Variants in POT1 observed in about 807,000 individuals in gnomAD.
POT1 encodes the protein protection of telomeres protein 1.
A neutral mutation model predicts 78.5 loss-of-function variants in POT1; 47 were observed. That is an observed-to-expected ratio of 0.60 (90% confidence interval 0.47 to 0.76). The LOEUF (loss-of-function observed/expected upper bound fraction) is 0.76. Ranked by LOEUF, POT1 falls within the 30% of genes least tolerant of loss-of-function variation. The pLI, the probability that POT1 is intolerant of heterozygous loss-of-function variation, is 0.00. For synonymous variants in POT1, 259 were observed against 260.7 expected (o/e 0.99, Z 0.06); for missense variants, 646 against 749.9 (o/e 0.86, Z 1.62).
chr7:124,927,572 T>C (rs959507751), intron 2 of POT1, among the ~76,000 whole-genome samples: 4 of 152,158 alleles, frequency 2.6e-5, no homozygotes, highest in African/African-American at 9.7e-5. Context: ...TCTTCCTCCT[T>C]CTCTAGACCA....
intron 6 of POT1, among the ~76,000 whole-genome samples, chr7:124,882,631 A>G (rs1454325659): frequency 6.6e-6 from 1 of 151,986 alleles, no homozygotes; most frequent in Admixed American, 6.6e-5. Flanking sequence ...GTTTTACACT[A>G]TACATAAGAC....
At chr7:124,892,823 G>GA (rs1796403937) in intron 5 of POT1, 1 of 151,452 alleles carries the variant, frequency 6.6e-6, no homozygotes, top group Non-Finnish European at 1.5e-5. Flanking sequence ...CATCTGTAGT[G>GA]AAAAACAGCA....
At chr7:124,856,275 TAAG>T (rs1262287197) in intron 9 of POT1, among the ~76,000 whole-genome samples, 2 of 152,158 alleles carry the variant, frequency 1.3e-5, no homozygotes, top group South Asian at 2.1e-4. Flanking sequence ...GTTCCTAAAT[TAAG>T]AAGAAATGTT....
intron 9 of POT1, among the ~76,000 whole-genome samples, chr7:124,856,262 A>G (rs1795444147): frequency 6.6e-6 from 1 of 152,220 alleles, no homozygotes; most frequent in African/African-American, 2.4e-5. Flanking sequence ...ACGTGAGTGA[A>G]GAGTTCCTAA....
At chr7:124,919,346 A>C (rs776323877) in intron 2 of POT1, among the ~76,000 whole-genome samples, 14 of 152,126 alleles carry the variant, frequency 9.2e-5, no homozygotes, top group Non-Finnish European at 1.9e-4. Context: ...TGTATTCTAG[A>C]AATCCTGTTT....
intron 9 of POT1, 200 bp downstream of exon 9, chr7:124,858,757 T>A: frequency 2.7e-6 from 1 of 366,696 alleles, no homozygotes; most frequent in South Asian, 1.1e-4. Flanking sequence ...AAGATTATTT[T>A]AAAAATTGCT....
chr7:124,902,920 G>C (rs190371844), intron 3 of POT1, among the ~76,000 whole-genome samples: 1 of 152,216 alleles, frequency 6.6e-6, no homozygotes. Context: ...GATCAGAAGA[G>C]ACACAGAAGG....
At chr7:124,898,796 T>C (rs1469299526) in intron 3 of POT1, among the ~76,000 whole-genome samples, 2 of 152,038 alleles carry the variant, frequency 1.3e-5, no homozygotes, top group Non-Finnish European at 1.5e-5. Context: ...TGCATACAAA[T>C]ACAGGGCATG....
intron 11 of POT1, chr7:124,848,667 GAAAAAA>G: frequency 9.4e-6 from 1 of 105,966 alleles, no homozygotes. Flanking sequence ...CATCTCAAAA[GAAAAAA>G]AAAAAAAAAA....
chr7:124,900,893 C>A, intron 3 of POT1: 1 of 333,582 alleles, frequency 3.0e-6, no homozygotes, highest in Non-Finnish European at 6.3e-6. Context: ...CAGAGTTTTG[C>A]TCATTGCTGG....
chr7:124,893,356 T>A (rs1012576936), intron 5 of POT1, among the ~76,000 whole-genome samples: 2 of 151,362 alleles, frequency 1.3e-5, no homozygotes, highest in African/African-American at 2.4e-5. Context: ...TATAAAAAGA[T>A]TTAAAATGCT....
intron 6 of POT1, among the ~76,000 whole-genome samples, chr7:124,873,018 T>C (rs1343024200): frequency 6.6e-6 from 1 of 152,224 alleles, no homozygotes; most frequent in African/African-American, 2.4e-5. Flanking sequence ...TGCCCATGTT[T>C]AAATTGGGTT....
intron 3 of POT1, among the ~76,000 whole-genome samples, chr7:124,909,655 T>C (rs1340633565): frequency 6.6e-6 from 1 of 151,956 alleles, no homozygotes; most frequent in African/African-American, 2.4e-5. Context: ...CTCTGTTATC[T>C]GACAGGTACT....
At position 124,841,063 on chromosome 7, in the gene POT1, T is replaced by C. The variant is rs771420212; in HGVS notation, c.1279A>G (p.Lys427Glu). Residue 427 changes from lysine to glutamate, a missense_variant, in exon 14 of 19, where the codon AAA becomes GAA. By Grantham distance (56) the Lys-to-Glu change is moderately conservative. Around this residue, in one of 2 missense-constraint regions of POT1, gnomAD observed 394 missense variants for 408.4 expected, o/e 0.96. Coordinates refer to ENST00000357628, the MANE Select transcript of POT1 (RefSeq NM_015450.3). ...GCTACTTTTCGTCCTTTTTGATTTT[T>C]AGTGGTCCAGATTTTTGAATCATAT... Reference protein sequence around the residue: ...SLYDSKIWTTKNQKGRKVAVH... With the variant: ...SLYDSKIWTTENQKGRKVAVH... The C allele has an allele frequency of 2.5e-6, 4 of 1,612,842 alleles. No homozygotes were observed. The East Asian group carries it at 6.7e-5, about 27-fold the overall frequency.
chr7:124,917,076 G>A (rs1231252945), intron 2 of POT1, among the ~76,000 whole-genome samples: 1 of 152,108 alleles, frequency 6.6e-6, no homozygotes, highest in African/African-American at 2.4e-5. Flanking sequence ...GGGCAGGAAC[G>A]GGTACATAGG....
At chr7:124,889,385 C>T (rs1029073244) in intron 6 of POT1, among the ~76,000 whole-genome samples, 8 of 152,008 alleles carry the variant, frequency 5.3e-5, no homozygotes, top group African/African-American at 1.7e-4. Context: ...GAAAAGAAGC[C>T]ATCTTCATAA....
intron 6 of POT1, among the ~76,000 whole-genome samples, chr7:124,880,853 C>T (rs1796100893): frequency 1.3e-5 from 2 of 151,974 alleles, no homozygotes; most frequent in Admixed American, 6.6e-5. Context: ...AGAGCAGCAG[C>T]CTTGGCTACA....
At chr7:124,840,245 G>T (rs1040810848) in intron 14 of POT1, among the ~76,000 whole-genome samples, 44 of 151,738 alleles carry the variant, frequency 2.9e-4, no homozygotes, top group Non-Finnish European at 1.5e-4. Context: ...ATTAAAGAAG[G>T]TATTTTTCTT....
intron 15 of POT1, among the ~76,000 whole-genome samples, chr7:124,832,982 G>C (rs1794806089): frequency 6.6e-6 from 1 of 151,942 alleles, no homozygotes; most frequent in Non-Finnish European, 1.5e-5. Context: ...GAGAGAAAGG[G>C]GAAAGAACAA....
Sources: allele counts gnomAD v4.1 joint callset (sites outside exome capture counted in the v4.1 genomes callset), GRCh38; gene constraint gnomAD v4.1.1; regional missense constraint gnomAD v4.1.1; transcripts MANE v1.5; gene names NCBI Gene and HGNC (gene_info 2026-07-23, HGNC 2026-07-21).